The following RTL4 variants were observed in gnomAD, a reference collection of about 807,000 sequenced individuals.
RTL4 encodes retrotransposon Gag like 4.
Under a neutral mutation model 5.3 loss-of-function variants are expected in RTL4, and 4 were observed. The ratio of observed to expected loss-of-function variants is 0.75; its 90% CI spans 0.37 to 1.72. The LOEUF (loss-of-function observed/expected upper bound fraction) is 1.72, where lower values mean the gene tolerates loss of function less well. RTL4 is among the 40% of genes most tolerant of loss of function. The pLI is 0.04. For synonymous variants in RTL4, 98 were observed against 87.3 expected, an observed-to-expected ratio of 1.12 and a Z score of -0.68; for missense variants, 260 against 227.1, an observed-to-expected ratio of 1.14 and a Z score of -0.93.
chrX:112,389,747 G>A, the RTL4 span, among the ~76,000 whole-genome samples: 1 of 109,604 alleles, frequency 9.1e-6, no homozygotes, highest in African/African-American at 3.3e-5. Context: ...TATTTTTATT[G>A]TCCTGTGGTC....
At chrX:112,213,091 G>A in the RTL4 span, among the ~76,000 whole-genome samples, 1 of 112,609 alleles carries the variant, frequency 8.9e-6, no homozygotes, top group African/African-American at 3.2e-5. Context: ...TTCCAAGTTG[G>A]GAGGAATAGC....
the RTL4 span, among the ~76,000 whole-genome samples, chrX:112,399,373 C>T: frequency 1.8e-5 from 2 of 110,812 alleles, no homozygotes; most frequent in Non-Finnish European, 3.8e-5. Flanking sequence ...TGTGTGTTTG[C>T]TCTTTTTTTC....
chrX:112,351,307 T>C, the RTL4 span, among the ~76,000 whole-genome samples: 1 of 102,193 alleles, frequency 9.8e-6, no homozygotes, highest in Admixed American at 1.0e-4. Flanking sequence ...AATTTTGGAA[T>C]AGGTGTGGTG....
chrX:112,121,734 A>T, the RTL4 span, among the ~76,000 whole-genome samples: 1 of 111,770 alleles, frequency 8.9e-6, no homozygotes, highest in Non-Finnish European at 1.9e-5. Flanking sequence ...TAGTTCATTA[A>T]GATCCAGATG....
chrX:112,328,993 G>C, the RTL4 span, among the ~76,000 whole-genome samples: 1 of 111,307 alleles, frequency 9.0e-6, no homozygotes, highest in African/African-American at 3.3e-5. Flanking sequence ...AGAATCTCTG[G>C]GATGCATTCA....
At chrX:112,155,915 T>G in the RTL4 span, among the ~76,000 whole-genome samples, 1 of 111,814 alleles carries the variant, frequency 8.9e-6, no homozygotes, top group African/African-American at 3.3e-5. Flanking sequence ...TGTCATGGTT[T>G]AACTTTAGAC....
chrX:112,323,155 T>C, the RTL4 span, among the ~76,000 whole-genome samples: 2 of 112,351 alleles, frequency 1.8e-5, no homozygotes, highest in African/African-American at 6.4e-5. Context: ...CCACCAGCAA[T>C]GTATGGGTGT....
chrX:112,334,415 C>T, the RTL4 span, among the ~76,000 whole-genome samples: 7 of 111,603 alleles, frequency 6.3e-5, no homozygotes, highest in African/African-American at 6.5e-5. Context: ...ATATTGCCAC[C>T]AACAGTGTAC....
the RTL4 span, among the ~76,000 whole-genome samples, chrX:112,426,566 A>G: frequency 9.0e-6 from 1 of 111,379 alleles, no homozygotes; most frequent in Admixed American, 9.6e-5. Context: ...AGAGTTCTGT[A>G]GTGCTTCTAT....
chrX:112,326,914 C>A, the RTL4 span, among the ~76,000 whole-genome samples: 1 of 111,475 alleles, frequency 9.0e-6, no homozygotes, highest in South Asian at 3.8e-4. Flanking sequence ...CTCACACGGC[C>A]AGGTACTCCA....
the RTL4 span, among the ~76,000 whole-genome samples, chrX:112,220,379 A>G: frequency 8.9e-6 from 1 of 112,842 alleles, no homozygotes; most frequent in East Asian, 2.8e-4. Flanking sequence ...CAGGGCACCA[A>G]GTCCCAAGGC....
the RTL4 span, among the ~76,000 whole-genome samples, chrX:112,083,081 C>T: frequency 9.0e-6 from 1 of 110,521 alleles, no homozygotes; most frequent in Non-Finnish European, 1.9e-5. Context: ...AGTCAACCCC[C>T]GCTGCCCCGT....
chrX:112,089,072 T>A, the RTL4 span, among the ~76,000 whole-genome samples: 1 of 111,673 alleles, frequency 9.0e-6, no homozygotes, highest in Non-Finnish European at 1.9e-5. Context: ...TAAAGCTTAT[T>A]GAAGCCCAAT....
the RTL4 span, among the ~76,000 whole-genome samples, chrX:112,304,093 C>T: frequency 5.1e-3 from 570 of 110,854 alleles, 5 homozygotes; most frequent in African/African-American, 0.017. Context: ...AGTGAAGGAC[C>T]TGGACCTTTC....
At chrX:112,317,549 A>ACT in the RTL4 span, among the ~76,000 whole-genome samples, 1 of 110,700 alleles carries the variant, frequency 9.0e-6, no homozygotes, top group Non-Finnish European at 1.9e-5. Context: ...GCTCCCTGGA[A>ACT]CTCTGCCTCC....
At chrX:112,296,277 C>T in the RTL4 span, among the ~76,000 whole-genome samples, 1 of 112,016 alleles carries the variant, frequency 8.9e-6, no homozygotes, top group East Asian at 2.8e-4. Flanking sequence ...TTAGTTCTTA[C>T]TGTTGGCCCA....
At chrX:112,251,723 C>T in the RTL4 span, among the ~76,000 whole-genome samples, 1 of 111,438 alleles carries the variant, frequency 9.0e-6, no homozygotes, top group African/African-American at 3.3e-5. Flanking sequence ...CAGACCAGCA[C>T]TGTACTTCTA....
the RTL4 span, among the ~76,000 whole-genome samples, chrX:112,330,265 T>C: frequency 2.8e-5 from 3 of 108,089 alleles, no homozygotes; most frequent in Non-Finnish European, 3.8e-5. Flanking sequence ...AAAACCCCAT[T>C]GTCTCAGCCC....
At chrX:112,431,710 G>A in the RTL4 span, among the ~76,000 whole-genome samples, 4 of 110,668 alleles carry the variant, frequency 3.6e-5, no homozygotes, top group African/African-American at 1.3e-4. Context: ...TTGTTGTTAG[G>A]CCTGAGTGGT....
Sources: allele counts gnomAD v4.1 joint callset (sites outside exome capture counted in the v4.1 genomes callset), GRCh38; gene constraint gnomAD v4.1.1; transcripts MANE v1.5; gene names NCBI Gene and HGNC (gene_info 2026-07-23, HGNC 2026-07-21).